LRRC4C: variants seen among roughly 807,000 people sequenced by gnomAD.
LRRC4C encodes the protein leucine rich repeat containing 4C.
Under a neutral mutation model 33.6 loss-of-function variants are expected in LRRC4C, and 5 were observed. The observed-to-expected ratio is 0.15, with a 90% CI of 0.08 to 0.31. LRRC4C has a LOEUF of 0.31. LRRC4C is among the 10% of genes least tolerant of loss of function. The pLI is 1.00. For missense variants in LRRC4C, 560 were observed against 796.7 expected, an observed-to-expected ratio of 0.70 and a Z score of 3.58; for synonymous variants, 329 against 302.0, an observed-to-expected ratio of 1.09 and a Z score of -0.93.
At chr11:41,044,170 T>C (rs1857619610) in intron 1 of LRRC4C, among the ~76,000 whole-genome samples, 1 of 152,152 alleles carries the variant, frequency 6.6e-6, no homozygotes, top group Non-Finnish European at 1.5e-5. Context: ...AGTGATATTA[T>C]TGGTAGAATT....
At chr11:41,062,455 C>T (rs1415231366) in intron 1 of LRRC4C, among the ~76,000 whole-genome samples, 1 of 152,110 alleles carries the variant, frequency 6.6e-6, no homozygotes, top group Non-Finnish European at 1.5e-5. Flanking sequence ...AGTTTCCATT[C>T]AGTATTTTAA....
chr11:40,173,501 A>G (rs1316501408), intron 5 of LRRC4C, among the ~76,000 whole-genome samples: 1 of 152,188 alleles, frequency 6.6e-6, no homozygotes, highest in Non-Finnish European at 1.5e-5. Context: ...AATGAACACA[A>G]ATACCTCCAA....
intron 1 of LRRC4C, among the ~76,000 whole-genome samples, chr11:41,105,983 A>G (rs941651409): frequency 1.3e-5 from 2 of 152,154 alleles, no homozygotes; most frequent in Non-Finnish European, 2.9e-5. Flanking sequence ...TTTTGTACCT[A>G]CTCAGGTGTA....
intron 2 of LRRC4C, among the ~76,000 whole-genome samples, chr11:40,731,816 A>C (rs2136791282): frequency 6.6e-6 from 1 of 152,298 alleles, no homozygotes; most frequent in African/African-American, 2.4e-5. Context: ...AAAAGTAAAC[A>C]GCTTCTTTAT....
intron 2 of LRRC4C, among the ~76,000 whole-genome samples, chr11:40,686,413 A>G (rs1485361600): frequency 6.6e-6 from 1 of 152,112 alleles, no homozygotes; most frequent in Non-Finnish European, 1.5e-5. Context: ...AACCAAGAGC[A>G]CATGTTGGAA....
intron 1 of LRRC4C, among the ~76,000 whole-genome samples, chr11:41,400,287 C>T (rs1953976482): frequency 6.6e-6 from 1 of 151,938 alleles, no homozygotes; most frequent in African/African-American, 2.4e-5. Flanking sequence ...GTGTTGAGCT[C>T]AGTGCCTGAC....
chr11:40,589,955 C>G lies in LRRC4C; in HGVS notation c.-270+58187G>C, dbSNP rs1264336473. ...TTTGGTGAATCTGACAATTATGTGTCTTGGAGTTGCTCTTCTCGAGGAGTA... is the reference window on the plus strand; with the variant it reads ...TTTGGTGAATCTGACAATTATGTGTGTTGGAGTTGCTCTTCTCGAGGAGTA... On this transcript the variant is annotated intron_variant, in intron 3 of 6. Coordinates refer to ENST00000528697, the MANE Select transcript of LRRC4C (RefSeq NM_001258419.2). Among the ~76,000 whole-genome samples the G allele has an allele frequency of 3.4e-4, 52 of 151,246 alleles. No homozygotes were observed. In the East Asian group the frequency reaches 9.0e-3, roughly 26 times the overall value.
chr11:40,493,796 C>T (rs539398958), intron 3 of LRRC4C, among the ~76,000 whole-genome samples: 2 of 152,056 alleles, frequency 1.3e-5, no homozygotes, highest in South Asian at 2.1e-4. Flanking sequence ...AGGTGGAACG[C>T]GAATTACCAG....
intron 1 of LRRC4C, among the ~76,000 whole-genome samples, chr11:41,186,927 T>C (rs1490343154): frequency 6.6e-6 from 1 of 152,224 alleles, no homozygotes; most frequent in East Asian, 1.9e-4. Context: ...CTAGAAAGTA[T>C]ATACGTCTGA....
At chr11:40,182,413 AAG>A (rs1360241594) in intron 5 of LRRC4C, among the ~76,000 whole-genome samples, 5 of 152,216 alleles carry the variant, frequency 3.3e-5, no homozygotes, top group African/African-American at 4.8e-5. Flanking sequence ...AACATAAAAA[AAG>A]AGTTACTGTA....
chr11:40,194,153 TG>T (rs1590671526), intron 5 of LRRC4C, among the ~76,000 whole-genome samples: 2 of 152,108 alleles, frequency 1.3e-5, no homozygotes, highest in Non-Finnish European at 2.9e-5. Flanking sequence ...GGCACATAAT[TG>T]TCAGATTCTC....
At chr11:40,308,452 A>G (rs1214471624) in intron 4 of LRRC4C, among the ~76,000 whole-genome samples, 1 of 152,190 alleles carries the variant, frequency 6.6e-6, no homozygotes, top group Non-Finnish European at 1.5e-5. Context: ...ACCTGTGGCT[A>G]TGTCTCATAC....
At chr11:40,257,763 C>A (rs59454129) in intron 4 of LRRC4C, among the ~76,000 whole-genome samples, 1 of 152,240 alleles carries the variant, frequency 6.6e-6, no homozygotes, top group South Asian at 2.1e-4. Flanking sequence ...TGCCTGCAAT[C>A]GCAATTGCCT....
In LRRC4C at chr11:41,250,441, T is replaced by C. The variant is rs556973263; in HGVS notation, c.-496+208990A>G. ...ATCTACCTTCTGACACTGCCTTGTG[T>C]CACTTTGTAAAGGTCATAGATATTT... On this transcript the variant is annotated intron_variant, in intron 1 of 6. Transcript: ENST00000528697. 4.6e-5 allele frequency among the ~76,000 whole-genome samples: 7 copies of C among 152,312 alleles called. No homozygotes were observed. The Middle Eastern group carries it at 0.014, about 296-fold the overall frequency.
chr11:40,592,057 T>C (rs1329004704), intron 3 of LRRC4C, among the ~76,000 whole-genome samples: 1 of 152,260 alleles, frequency 6.6e-6, no homozygotes, highest in Non-Finnish European at 1.5e-5. Flanking sequence ...TACATGTTTA[T>C]TGTGCCTCAG....
chr11:40,405,735 T>TTC (rs1949942565), intron 3 of LRRC4C, among the ~76,000 whole-genome samples: 2 of 135,934 alleles, frequency 1.5e-5, no homozygotes, highest in Non-Finnish European at 3.2e-5. Flanking sequence ...TTTGAGAAAC[T>TTC]TTTTGTAAGT....
At chr11:41,014,349 A>G (rs1164174714) in intron 1 of LRRC4C, among the ~76,000 whole-genome samples, 1 of 152,128 alleles carries the variant, frequency 6.6e-6, no homozygotes, top group African/African-American at 2.4e-5. Flanking sequence ...AGAAATTCCA[A>G]CCCAGGTCTA....
intron 4 of LRRC4C, among the ~76,000 whole-genome samples, chr11:40,282,614 A>T (rs1943556879): frequency 6.6e-6 from 1 of 152,096 alleles, no homozygotes; most frequent in Non-Finnish European, 1.5e-5. Flanking sequence ...TAGAAGAAAA[A>T]CTTTAAAAAA....
At chr11:41,337,147 C>T (rs1231479216) in intron 1 of LRRC4C, among the ~76,000 whole-genome samples, 1 of 151,990 alleles carries the variant, frequency 6.6e-6, no homozygotes, top group Non-Finnish European at 1.5e-5. Flanking sequence ...TGGGCTCAAG[C>T]ATTGCTTCTG....
Sources: gnomAD v4.1 joint callset for allele counts (sites outside exome capture counted in the v4.1 genomes callset) on GRCh38, gnomAD v4.1.1 for gene constraint, MANE v1.5 for transcripts, NCBI Gene and HGNC (gene_info 2026-07-23, HGNC 2026-07-21) for gene names.